Variants in SEC23B observed in about 807,000 individuals in gnomAD.
SEC23B encodes SEC23 homolog B, COPII component.
A neutral mutation model predicts 104.3 loss-of-function variants in SEC23B; 77 were observed. The ratio of observed to expected loss-of-function variants is 0.74; its 90% CI spans 0.61 to 0.89. SEC23B has a LOEUF of 0.89. Among genes scored for constraint, SEC23B ranks in the 40% least tolerant of loss-of-function variants. The pLI is 0.00. For synonymous variants in SEC23B, 338 were observed against 332.5 expected, an observed-to-expected ratio of 1.02 and a Z score of -0.18; for missense variants, 885 against 949.4, an observed-to-expected ratio of 0.93 and a Z score of 0.89.
At chr20:18,508,178 C>A (rs2059948294) in intron 1 of SEC23B, 2 of 152,218 alleles carry the variant, frequency 1.3e-5, no homozygotes, top group Admixed American at 1.3e-4. Context: ...GCTCCAGTTT[C>A]CCCAGAATTG....
At position 18,515,634 on chromosome 20, in the gene SEC23B, G is replaced by A. The variant is rs1184441630; in HGVS notation, c.280-16G>A. On this transcript the variant is annotated splice_polypyrimidine_tract_variant and intron_variant, in intron 3 of 19. Transcript: ENST00000650089. ...TAGTTATGCCAACCCTAATAAAACT[G>A]TTTCCTTCTTTTCAGTTTCCTCCAG... 1 of 1,523,012 alleles carries A rather than the reference G, an allele frequency of 6.6e-7. No homozygotes were observed. Among genetic ancestry groups the A allele is most frequent in the Non-Finnish European group, 9.1e-7 (1 of 1,097,016 alleles). The allele number at this position is 1,523,012 out of a possible 1,614,324, so 94.3% of individuals were successfully genotyped here. A position where few individuals can be genotyped will look rare whatever the true frequency, so the allele number is the denominator to read the frequency against.
intron 12 of SEC23B, among the ~76,000 whole-genome samples, chr20:18,540,902 A>C (rs1392687820): frequency 1.3e-5 from 2 of 152,210 alleles, no homozygotes; most frequent in Admixed American, 1.3e-4. Context: ...CTAACAAGAG[A>C]GTCAACCTGC....
chr20:18,551,043 G>A, intron 16 of SEC23B, 46 bp from the exon 17 acceptor site: 1 of 1,221,732 alleles, frequency 8.2e-7, no homozygotes, highest in Non-Finnish European at 1.2e-6. Context: ...TTGCTGTGTG[G>A]GGAGCAGGGA....
At position 18,524,679 on chromosome 20, in the gene SEC23B, T is replaced by C; in HGVS notation, c.603+10T>C. On this transcript the variant is annotated intron_variant, in intron 5 of 19. Transcript: ENST00000650089. ...TGCAAAGCAAATACAGGTTTGTACCTTACTTGTACAGGAGCAGAAACAAGG... is the reference window on the plus strand; with the variant it reads ...TGCAAAGCAAATACAGGTTTGTACCCTACTTGTACAGGAGCAGAAACAAGG... 1 of 1,600,884 alleles carries C rather than the reference T, an allele frequency of 6.2e-7. No homozygotes were observed. Among genetic ancestry groups the C allele is most frequent in the South Asian group, 1.1e-5 (1 of 90,796 alleles).
intron 7 of SEC23B, 75 bp downstream of exon 7, chr20:18,526,007 G>A: frequency 6.6e-7 from 1 of 1,511,152 alleles, no homozygotes; most frequent in Non-Finnish European, 9.2e-7. Flanking sequence ...GGCTTTGTTT[G>A]AAAATCACTT....
chr20:18,511,148 T>A, intron 2 of SEC23B, 92 bp downstream of exon 2: 4 of 1,071,920 alleles, frequency 3.7e-6, no homozygotes, highest in Non-Finnish European at 5.7e-6. Flanking sequence ...TTTGGGCAGG[T>A]CATCAAATTT....
intron 19 of SEC23B, 39 bp from the exon 20 acceptor site, chr20:18,560,612 T>C: frequency 2.0e-6 from 3 of 1,513,772 alleles, no homozygotes; most frequent in Non-Finnish European, 2.8e-6. Flanking sequence ...AATCAGCTTC[T>C]AAGATATCTG....
intron 10 of SEC23B, 118 bp downstream of exon 10, chr20:18,530,921 G>A: frequency 4.0e-6 from 3 of 756,192 alleles, no homozygotes; most frequent in Non-Finnish European, 6.7e-6. Context: ...GGATTATGAG[G>A]CATGAGCCAC....
At chr20:18,548,967 G>T (rs1212069472) in intron 16 of SEC23B, among the ~76,000 whole-genome samples, 197 bp downstream of exon 16, 1 of 152,106 alleles carries the variant, frequency 6.6e-6, no homozygotes, top group Non-Finnish European at 1.5e-5. Flanking sequence ...TGAAAGGCAG[G>T]AATAAATGTA....
intron 13 of SEC23B, 86 bp from the exon 14 acceptor site, chr20:18,542,933 C>T (rs1232879211): frequency 3.2e-6 from 5 of 1,550,712 alleles, no homozygotes; most frequent in Admixed American, 1.7e-5. Context: ...GCCACTGCAC[C>T]TAGCCTGTGT....
At chr20:18,531,450 A>G (rs2060186009) in intron 10 of SEC23B, among the ~76,000 whole-genome samples, 1 of 151,602 alleles carries the variant, frequency 6.6e-6, no homozygotes, top group South Asian at 2.1e-4. Flanking sequence ...TGAGGTTGGG[A>G]GTTCGAGACC....
At chr20:18,555,233 T>A in intron 19 of SEC23B, 60 bp downstream of exon 19, 1 of 1,377,484 alleles carries the variant, frequency 7.3e-7, no homozygotes, top group Non-Finnish European at 1.0e-6. Context: ...AAACTTGTTT[T>A]AAAATTCTAC....
intron 9 of SEC23B, among the ~76,000 whole-genome samples, chr20:18,529,741 G>A (rs1486475779): frequency 1.3e-5 from 2 of 152,234 alleles, no homozygotes; most frequent in African/African-American, 2.4e-5. Flanking sequence ...CATGGCCATA[G>A]GCAAGGCAGG....
chr20:18,555,023 T>C, intron 18 of SEC23B, 85 bp from the exon 19 acceptor site: 4 of 1,233,374 alleles, frequency 3.2e-6, no homozygotes, highest in Non-Finnish European at 4.7e-6. Flanking sequence ...AAACAAATGT[T>C]GTAAAAACTT....
rs1600289575 is a variant in SEC23B at position 18,561,050 on chromosome 20, G to T, written c.*310G>T. On this transcript the variant is annotated 3_prime_UTR_variant, in exon 20 of 20. Coordinates refer to ENST00000650089, the MANE Select transcript of SEC23B (RefSeq NM_006363.6). ...AGCTTGTTTAGGTGAGAATCTTAATGATCATAAAGGAAATAAATCTAGATG... is the reference window on the plus strand; with the variant it reads ...AGCTTGTTTAGGTGAGAATCTTAATTATCATAAAGGAAATAAATCTAGATG... 2.9e-6 allele frequency: 1 copy of T among 346,948 alleles called. No homozygotes were observed. The highest frequency in any genetic ancestry group is 6.9e-5 in the East Asian group (1 of 14,550). The allele number at this position is 346,948 out of a possible 1,614,324, so 21.5% of individuals were successfully genotyped here.
rs749162462 is a variant in SEC23B at position 18,524,547 on chromosome 20, G to T, written c.481G>T (p.Asp161Tyr). Reference sequence around the variant, plus strand: ...GATGTCCCTGAGTCTTCTTCCTCCAGATGCTCTGGTGGGTCTGATCACATT... The same window carrying T: ...GATGTCCCTGAGTCTTCTTCCTCCATATGCTCTGGTGGGTCTGATCACATT... ...LQMSLSLLPP[D>Y]ALVGLITFGR... Residue 161 changes from aspartate (D) to tyrosine (Y), a missense_variant, in exon 5 of 20, where the codon GAT (aspartate) becomes TAT (tyrosine). Physicochemically the swap from Asp to Tyr is radical, Grantham distance 160. Coordinates refer to ENST00000650089, the MANE Select transcript of SEC23B (RefSeq NM_006363.6). The T allele has an allele frequency of 2.5e-6, 4 of 1,614,206 alleles. No individual in the cohort carries two copies. Among genetic ancestry groups the T allele is most frequent in the Non-Finnish European group, 2.5e-6 (3 of 1,180,034 alleles).
intron 3 of SEC23B, among the ~76,000 whole-genome samples, chr20:18,512,847 C>T (rs1020801947): frequency 5.9e-5 from 9 of 152,210 alleles, no homozygotes; most frequent in Non-Finnish European, 1.3e-4. Flanking sequence ...GTCAAGAAAT[C>T]GAGACCATTC....
chr20:18,508,029 G>C (rs1435947396), intron 1 of SEC23B, 57 bp downstream of exon 1: 1 of 152,680 alleles, frequency 6.5e-6, no homozygotes, highest in African/African-American at 2.4e-5. Context: ...CCGAGGGCAC[G>C]GGTATGAGTT....
In SEC23B at chr20:18,526,411, T is replaced by C. The variant is rs760457633; in HGVS notation, c.873T>C (p.Phe291=). The change falls in exon 8 of 20, where the codon TTT becomes TTC. Residue 291 remains phenylalanine (F), a synonymous_variant. Transcript: ENST00000650089. The part of the protein sequence containing the change: ...FPNTGARIML[F]TGGPPTQGPG... ...ACACAGGAGCCAGGATCATGCTGTT[T>C]ACTGGAGGTCCCCCTACCCAAGGGC... 3.7e-6 allele frequency: 6 copies of C among 1,614,112 alleles called. No homozygotes were observed. The African/African-American group carries it at 8.0e-5, about 22-fold the overall frequency.
Sources: gnomAD v4.1 joint callset for allele counts (sites outside exome capture counted in the v4.1 genomes callset) on GRCh38, gnomAD v4.1.1 for gene constraint, MANE v1.5 for transcripts, NCBI Gene and HGNC (gene_info 2026-07-23, HGNC 2026-07-21) for gene names.